Variants in CCDC192 observed in about 807,000 individuals in gnomAD.
The protein encoded by CCDC192 is coiled-coil domain-containing protein 192.
intron 5 of CCDC192, among the ~76,000 whole-genome samples, chr5:127,826,426 TTATTGGGTATACACATCCAAAAGAAAAC>T (rs1383611756): frequency 3.3e-5 from 5 of 151,988 alleles, no homozygotes; most frequent in African/African-American, 1.2e-4. Context: ...AGCAGTGCCG[TTATTGGGTATACACATCCAAAAGAAAAC>T]CAATCTTTCT....
intron 3 of CCDC192, chr5:127,785,215 C>T (rs986262411): frequency 1.5e-5 from 8 of 523,754 alleles, no homozygotes; most frequent in African/African-American, 1.2e-4. Context: ...CAATTTTCAG[C>T]CACTGTGACA....
intron 2 of CCDC192, among the ~76,000 whole-genome samples, chr5:127,730,865 C>A (rs1161004640): frequency 2.0e-5 from 3 of 151,954 alleles, no homozygotes; most frequent in Non-Finnish European, 1.5e-5. Context: ...ATGGAACATA[C>A]CTCAAAATAA....
chr5:127,790,315 A>G (rs1756793813), intron 3 of CCDC192, among the ~76,000 whole-genome samples: 1 of 152,048 alleles, frequency 6.6e-6, no homozygotes, highest in Admixed American at 6.5e-5. Context: ...CTTGGAGGCC[A>G]TTTTGGGATA....
At chr5:127,832,176 A>G (rs1749826526) in intron 5 of CCDC192, among the ~76,000 whole-genome samples, 1 of 152,240 alleles carries the variant, frequency 6.6e-6, no homozygotes, top group African/African-American at 2.4e-5. Flanking sequence ...TATTCAGGAA[A>G]GCAGAAATTA....
At chr5:127,794,117 G>A (rs147768014) in intron 3 of CCDC192, among the ~76,000 whole-genome samples, 162 of 152,282 alleles carry the variant, frequency 1.1e-3, no homozygotes, top group African/African-American at 3.8e-3. Context: ...ATTCTGTGCA[G>A]TGTGAGTAAC....
chr5:127,831,493 C>G (rs530688218), intron 5 of CCDC192, among the ~76,000 whole-genome samples: 1 of 151,750 alleles, frequency 6.6e-6, no homozygotes, highest in African/African-American at 2.4e-5. Flanking sequence ...TACTTTCTTC[C>G]CAACAAAATT....
chr5:127,738,614 G>A (rs1753180230), intron 2 of CCDC192, among the ~76,000 whole-genome samples: 1 of 148,726 alleles, frequency 6.7e-6, no homozygotes, highest in African/African-American at 2.5e-5. Context: ...ATATTTCTTG[G>A]AGGCTTTGCT....
rs372529376 is a variant in CCDC192, at chr5:127,854,210, T to C, written c.412-21328T>C. ...CTTCATTAAATCCTTGAGTTCCTCATAGCTCAATCCTACACATTTTTTCTC... is the reference window on the plus strand; with the variant it reads ...CTTCATTAAATCCTTGAGTTCCTCACAGCTCAATCCTACACATTTTTTCTC... On this transcript the variant is annotated intron_variant, in intron 5 of 6. Transcript: ENST00000514853. Among the ~76,000 whole-genome samples the C allele has an allele frequency of 1.5e-4, 23 of 152,316 alleles. No homozygotes were observed. In the East Asian group the frequency reaches 2.1e-3, roughly 14 times the overall value.
At chr5:127,903,430 A>T (rs1346632340) in intron 6 of CCDC192, among the ~76,000 whole-genome samples, 1 of 151,958 alleles carries the variant, frequency 6.6e-6, no homozygotes, top group East Asian at 1.9e-4. Context: ...TTTAGTAGAG[A>T]CGGGGTTTTG....
chr5:127,903,074 T>C (rs1753087851), intron 6 of CCDC192, among the ~76,000 whole-genome samples: 2 of 152,128 alleles, frequency 1.3e-5, no homozygotes, highest in African/African-American at 4.8e-5. Flanking sequence ...CCAACCCTGA[T>C]TTCCTCTCTA....
intron 6 of CCDC192, among the ~76,000 whole-genome samples, chr5:127,914,688 TAC>T (rs1753468246): frequency 6.6e-6 from 1 of 152,176 alleles, no homozygotes; most frequent in Admixed American, 6.5e-5. Context: ...GGAGATAGGG[TAC>T]AGTCAATAAT....
At chr5:127,731,636 C>T (rs1289520162) in intron 2 of CCDC192, among the ~76,000 whole-genome samples, 1 of 152,110 alleles carries the variant, frequency 6.6e-6, no homozygotes, top group African/African-American at 2.4e-5. Flanking sequence ...CTACAGTAAC[C>T]AAAACAGCAT....
At chr5:127,937,502 C>T (rs377545324) in intron 6 of CCDC192, among the ~76,000 whole-genome samples, 23 of 152,242 alleles carry the variant, frequency 1.5e-4, no homozygotes, top group Admixed American at 1.2e-3. Context: ...CATGTGAGGA[C>T]GCAGCATAAA....
intron 5 of CCDC192, among the ~76,000 whole-genome samples, chr5:127,848,677 A>T (rs1397480586): frequency 6.6e-6 from 1 of 152,216 alleles, no homozygotes; most frequent in Non-Finnish European, 1.5e-5. Flanking sequence ...TCTACCACAT[A>T]AAATTCTTAT....
intron 5 of CCDC192, among the ~76,000 whole-genome samples, chr5:127,815,845 G>A (rs1363183894): frequency 1.3e-5 from 2 of 151,666 alleles, no homozygotes; most frequent in Non-Finnish European, 2.9e-5. Context: ...TCCAGCCTGG[G>A]CAACAGAGCG....
At chr5:127,867,833 C>G (rs1751676933) in intron 5 of CCDC192, among the ~76,000 whole-genome samples, 1 of 152,108 alleles carries the variant, frequency 6.6e-6, no homozygotes, top group Non-Finnish European at 1.5e-5. Flanking sequence ...TCTCAAAAAT[C>G]TTGATTATCA....
intron 3 of CCDC192, among the ~76,000 whole-genome samples, chr5:127,794,152 A>G (rs1156693762): frequency 6.6e-6 from 1 of 152,162 alleles, no homozygotes; most frequent in East Asian, 1.9e-4. Context: ...ATCTCCTTAT[A>G]CGATAACTGT....
chr5:127,777,106 C>T (rs1250224523), intron 3 of CCDC192, among the ~76,000 whole-genome samples: 1 of 152,192 alleles, frequency 6.6e-6, no homozygotes, highest in African/African-American at 2.4e-5. Flanking sequence ...TGACAGCTTA[C>T]ATCCTGTGCC....
chr5:127,784,160 C>A (rs1257293842), intron 3 of CCDC192, among the ~76,000 whole-genome samples: 3 of 152,124 alleles, frequency 2.0e-5, no homozygotes, highest in Admixed American at 6.5e-5. Flanking sequence ...AGGCACCATT[C>A]AATTAGAAAT....
Sources: gnomAD v4.1 joint callset for allele counts (sites outside exome capture counted in the v4.1 genomes callset) on GRCh38, gnomAD v4.1.1 for gene constraint, MANE v1.5 for transcripts, NCBI Gene and HGNC (gene_info 2026-07-23, HGNC 2026-07-21) for gene names.